VPS13B: variants seen among roughly 807,000 people sequenced by gnomAD.
VPS13B encodes vacuolar protein sorting 13 homolog B, also known as intermembrane lipid transfer protein VPS13B.
In VPS13B, 285 loss-of-function variants were observed where a neutral mutation model predicts 426.4. The observed-to-expected ratio is 0.67, with a 90% CI of 0.61 to 0.74. The LOEUF (loss-of-function observed/expected upper bound fraction) is 0.74. Among genes scored for constraint, VPS13B ranks in the 30% least tolerant of loss-of-function variants. VPS13B has a pLI of 0.00. For missense variants in VPS13B, 4,537 were observed against 4,782.6 expected, an observed-to-expected ratio of 0.95 and a Z score of 1.51; for synonymous variants, 1,676 against 1,676.4, an observed-to-expected ratio of 1.00 and a Z score of 0.01.
At chr8:99,586,996 C>T (rs549082597) in intron 33 of VPS13B, among the ~76,000 whole-genome samples, 6 of 152,052 alleles carry the variant, frequency 3.9e-5, no homozygotes, top group South Asian at 2.1e-4. Context: ...TGACAGGCCC[C>T]GGTGTGTGAT....
chr8:99,475,418 T>C (rs1160527415), intron 24 of VPS13B, among the ~76,000 whole-genome samples: 3 of 152,238 alleles, frequency 2.0e-5, no homozygotes, highest in Non-Finnish European at 4.4e-5. Flanking sequence ...ATTGTAGCTG[T>C]GAGAGGATAG....
At chr8:99,085,567 A>G (rs763483204) in intron 3 of VPS13B, among the ~76,000 whole-genome samples, 16 of 152,148 alleles carry the variant, frequency 1.1e-4, no homozygotes, top group Admixed American at 2.0e-4. Context: ...ACAGTCTGGC[A>G]TGTTTTTGCA....
chr8:99,231,559 T>C (rs1816323954), intron 17 of VPS13B, among the ~76,000 whole-genome samples: 1 of 152,240 alleles, frequency 6.6e-6, no homozygotes, highest in African/African-American at 2.4e-5. Context: ...GGTTCTTGGC[T>C]AGCAGAAGAC....
intron 39 of VPS13B, among the ~76,000 whole-genome samples, chr8:99,764,929 T>C (rs2130612041): frequency 6.6e-6 from 1 of 152,262 alleles, no homozygotes; most frequent in Non-Finnish European, 1.5e-5. Context: ...AACAAATTCT[T>C]AGAAGCATAC....
intron 17 of VPS13B, among the ~76,000 whole-genome samples, chr8:99,204,810 A>G (rs376290224): frequency 3.3e-5 from 5 of 152,374 alleles, no homozygotes; most frequent in African/African-American, 1.2e-4. Flanking sequence ...GTGAGATACC[A>G]TCTTATACCA....
intron 23 of VPS13B, among the ~76,000 whole-genome samples, chr8:99,457,217 A>G (rs918780124): frequency 4.0e-5 from 6 of 151,714 alleles, no homozygotes; most frequent in Non-Finnish European, 8.8e-5. Flanking sequence ...TTTTTAGTAG[A>G]GTTGGGGTTT....
intron 39 of VPS13B, among the ~76,000 whole-genome samples, chr8:99,737,401 C>T (rs1237221994): frequency 6.6e-6 from 1 of 152,044 alleles, no homozygotes; most frequent in African/African-American, 2.4e-5. Context: ...CACATATGAT[C>T]AGTGCTTCTT....
At chr8:99,810,441 A>C (rs1439526756) in intron 44 of VPS13B, among the ~76,000 whole-genome samples, 1 of 152,240 alleles carries the variant, frequency 6.6e-6, no homozygotes, top group Non-Finnish European at 1.5e-5. Context: ...GCTGCATGCC[A>C]AGGAGGAATC....
chr8:99,082,592 T>G (rs571312869), intron 3 of VPS13B, among the ~76,000 whole-genome samples: 3 of 152,318 alleles, frequency 2.0e-5, no homozygotes, highest in Non-Finnish European at 4.4e-5. Flanking sequence ...TTTTATGGTT[T>G]TAGGTCTAAC....
At chr8:99,639,647 C>CATAT (rs142420928) in intron 33 of VPS13B, among the ~76,000 whole-genome samples, 2 of 147,960 alleles carry the variant, frequency 1.4e-5, no homozygotes, top group Admixed American at 6.8e-5. Context: ...TAAGTTATTG[C>CATAT]ATATATATAT....
intron 19 of VPS13B, among the ~76,000 whole-genome samples, chr8:99,312,848 T>G (rs1456079900): frequency 1.3e-5 from 2 of 152,232 alleles, no homozygotes; most frequent in Non-Finnish European, 2.9e-5. Flanking sequence ...CCCATATTTC[T>G]TGGAGGCTTT....
At chr8:99,323,526 A>T (rs904900790) in intron 19 of VPS13B, among the ~76,000 whole-genome samples, 2 of 152,190 alleles carry the variant, frequency 1.3e-5, no homozygotes, top group South Asian at 4.1e-4. Flanking sequence ...AAGACACATA[A>T]CTAATAAGTG....
intron 33 of VPS13B, among the ~76,000 whole-genome samples, chr8:99,602,314 G>C (rs1043241654): frequency 2.0e-5 from 3 of 152,112 alleles, no homozygotes; most frequent in Non-Finnish European, 4.4e-5. Flanking sequence ...TTGTAGATGG[G>C]TGGTGTTATT....
Position 99,586,925 on chromosome 8 carries a change from G to C in VPS13B, c.5220+9292G>C, listed in dbSNP as rs959692630. On this transcript the variant is annotated intron_variant, in intron 33 of 61. Transcript: ENST00000357162. Reference sequence around the variant, plus strand: ...CATGTGCCGTGTTGGTTTGCTGCACGCATTAACTCGTCATTTACGTTAGGT... The same window carrying C: ...CATGTGCCGTGTTGGTTTGCTGCACCCATTAACTCGTCATTTACGTTAGGT... 4.6e-5 allele frequency among the ~76,000 whole-genome samples: 7 copies of C among 152,098 alleles called. No individual in the cohort carries two copies. In the South Asian group the frequency reaches 1.5e-3, roughly 32 times the overall value.
chr8:99,461,269 T>C (rs73271311), intron 23 of VPS13B, among the ~76,000 whole-genome samples: 2,018 of 152,208 alleles, frequency 0.013, 39 homozygotes, highest in African/African-American at 0.046. Context: ...CAGAAAGAAT[T>C]ACTGGTGACT....
At chr8:99,023,470 TTTTC>T (rs1214239615) in intron 2 of VPS13B, among the ~76,000 whole-genome samples, 2 of 152,088 alleles carry the variant, frequency 1.3e-5, no homozygotes, top group Non-Finnish European at 1.5e-5. Context: ...CCACATTTTC[TTTTC>T]TTTCTTTCTT....
At chr8:99,170,399 C>G (rs1812260200) in intron 16 of VPS13B, among the ~76,000 whole-genome samples, 1 of 151,682 alleles carries the variant, frequency 6.6e-6, no homozygotes, top group Non-Finnish European at 1.5e-5. Context: ...ACTGTTAATT[C>G]ATGTTGGATG....
chr8:99,572,525 T>A (rs1400470813), intron 31 of VPS13B, among the ~76,000 whole-genome samples: 1 of 150,968 alleles, frequency 6.6e-6, no homozygotes, highest in Non-Finnish European at 1.5e-5. Flanking sequence ...CATTGTTCAA[T>A]TCCCACCTAT....
intron 17 of VPS13B, among the ~76,000 whole-genome samples, chr8:99,213,487 C>T (rs1329843923): frequency 6.6e-6 from 1 of 151,978 alleles, no homozygotes; most frequent in South Asian, 2.1e-4. Flanking sequence ...CTGACTTGAC[C>T]TGCTTTTTAG....
Sources: allele counts gnomAD v4.1 joint callset (sites outside exome capture counted in the v4.1 genomes callset), GRCh38; gene constraint gnomAD v4.1.1; transcripts MANE v1.5; gene names NCBI Gene and HGNC (gene_info 2026-07-23, HGNC 2026-07-21).